The following HACL1 variants were observed in gnomAD, a reference collection of about 807,000 sequenced individuals.
The protein encoded by HACL1 is 2-hydroxyacyl-CoA lyase 1.
A neutral mutation model predicts 74.2 loss-of-function variants in HACL1; 64 were observed. The ratio of observed to expected loss-of-function variants is 0.86; its 90% CI spans 0.70 to 1.06. The LOEUF (loss-of-function observed/expected upper bound fraction) is 1.06, where lower values mean the gene tolerates loss of function less well. HACL1 is among the 50% of genes least tolerant of loss of function. HACL1 has a pLI of 0.00. For missense variants in HACL1, 728 were observed against 719.7 expected (o/e 1.01, Z -0.13); for synonymous variants, 230 against 238.8 (o/e 0.96, Z 0.34).
At chr3:15,584,752 A>T (rs1487343728) in intron 7 of HACL1, among the ~76,000 whole-genome samples, 1 of 152,230 alleles carries the variant, frequency 6.6e-6, no homozygotes, top group Non-Finnish European at 1.5e-5. Context: ...GATGATTTAG[A>T]TACCAGTGAA....
At chr3:15,568,201 G>C (rs963367636) in intron 13 of HACL1, among the ~76,000 whole-genome samples, 199 bp from the exon 14 acceptor site, 2 of 152,142 alleles carry the variant, frequency 1.3e-5, no homozygotes, top group Non-Finnish European at 2.9e-5. Flanking sequence ...ATGTTTGCTT[G>C]GAAGACTATA....
At chr3:15,577,669 G>A (rs2063650296) in intron 9 of HACL1, among the ~76,000 whole-genome samples, 1 of 151,964 alleles carries the variant, frequency 6.6e-6, no homozygotes, top group Non-Finnish European at 1.5e-5. Context: ...GCACACACCT[G>A]TAGTTCCAGC....
In HACL1 at chr3:15,601,486, A is replaced by T. The variant is rs765151835; in HGVS notation, c.-23T>A. ...CATCTTCCACCGAAAAGCTCTAAGC[A>T]CTCACGCAGCCGGCAAACAAGCGGA... is the stretch of plus-strand genomic sequence containing the variant. On this transcript the variant is annotated 5_prime_UTR_variant, in exon 1 of 17. Coordinates refer to ENST00000321169, the MANE Select transcript of HACL1 (RefSeq NM_012260.4). 1 of 1,611,574 alleles carries T rather than the reference A, an allele frequency of 6.2e-7. No individual in the cohort carries two copies. The highest frequency in any genetic ancestry group is 1.1e-5 in the South Asian group (1 of 91,086).
At chr3:15,561,382 C>T (rs760585440) in intron 16 of HACL1, among the ~76,000 whole-genome samples, 14 of 152,006 alleles carry the variant, frequency 9.2e-5, no homozygotes, top group Middle Eastern at 3.4e-3. Flanking sequence ...AAATGGCAGA[C>T]GGACAGAAAG....
At chr3:15,600,136 T>C (rs1387895689) in intron 2 of HACL1, among the ~76,000 whole-genome samples, 1 of 148,238 alleles carries the variant, frequency 6.7e-6, no homozygotes, top group Non-Finnish European at 1.5e-5. Context: ...AAATAATGTA[T>C]AATATTAAGC....
chr3:15,599,207 A>G (rs915618884), intron 2 of HACL1, among the ~76,000 whole-genome samples: 1 of 152,240 alleles, frequency 6.6e-6, no homozygotes, highest in African/African-American at 2.4e-5. Flanking sequence ...CTTGGCTGTA[A>G]GCCCCTTAAA....
chr3:15,571,517 C>CA lies in HACL1; in HGVS notation c.1095+150dup, dbSNP rs576329986. The CA allele has an allele frequency of 2.8e-4, 181 of 643,662 alleles. 3 individuals are homozygous for CA. In the South Asian group the frequency reaches 2.9e-3, roughly 10 times the overall value. The allele number at this position is 643,662 out of a possible 1,614,324, so 39.9% of individuals were successfully genotyped here. A position where few individuals can be genotyped will look rare whatever the true frequency, so the allele number is the denominator to read the frequency against. ...TACACAAAGTTTTTGAGAGTTGTGCCACTAAATCCCTTTTTCCATGAGACC... is the reference window on the plus strand; with the variant it reads ...TACACAAAGTTTTTGAGAGTTGTGCCAACTAAATCCCTTTTTCCATGAGACC... On this transcript the variant is annotated intron_variant, in intron 12 of 16. Transcript: ENST00000321169.
rs1274256039 is a variant in HACL1, at chr3:15,563,322, T to A, written c.1704+36A>T. The A allele has an allele frequency of 2.8e-6, 4 of 1,411,334 alleles. No individual in the cohort carries two copies. The South Asian group carries it at 4.7e-5, about 16-fold the overall frequency. The allele number at this position is 1,411,334 out of a possible 1,614,324, so 87.4% of individuals were successfully genotyped here. Reference sequence around the variant, plus strand: ...TTTGGAGGGGGATAGGGGAAGCAGATGCATTTCTTGCTTTCTGCTTAGCAA... The same window carrying A: ...TTTGGAGGGGGATAGGGGAAGCAGAAGCATTTCTTGCTTTCTGCTTAGCAA... On this transcript the variant is annotated intron_variant, in intron 16 of 16. Coordinates refer to ENST00000321169, the MANE Select transcript of HACL1 (RefSeq NM_012260.4).
At chr3:15,597,704 C>G (rs1266800151) in intron 2 of HACL1, among the ~76,000 whole-genome samples, 2 of 146,084 alleles carry the variant, frequency 1.4e-5, no homozygotes, top group Non-Finnish European at 3.0e-5. Context: ...CACTGAGAAC[C>G]TGCACAAAGA....
At chr3:15,579,256 C>T (rs1462576322) in intron 9 of HACL1, among the ~76,000 whole-genome samples, 1 of 152,144 alleles carries the variant, frequency 6.6e-6, no homozygotes, top group Non-Finnish European at 1.5e-5. Flanking sequence ...GTGATCAACT[C>T]TCAAAAGAAA....
At chr3:15,569,243 A>G (rs2063482453) in intron 12 of HACL1, among the ~76,000 whole-genome samples, 1 of 152,182 alleles carries the variant, frequency 6.6e-6, no homozygotes, top group Non-Finnish European at 1.5e-5. Flanking sequence ...CACCTATGCT[A>G]CTTTGTTCTG....
In HACL1 at chr3:15,591,669, C is replaced by G. The variant is rs370481338; in HGVS notation, c.239G>C (p.Cys80Ser). Residue 80 changes from cysteine to serine, a missense_variant, in exon 4 of 17, where the codon TGC (cysteine) becomes TCC (serine). By Grantham distance (112) the Cys-to-Ser change is moderately radical. Coordinates refer to ENST00000321169, the MANE Select transcript of HACL1 (RefSeq NM_012260.4). ...IGYLTSRPGV[C>S]LVVSGPGLIH... ...GAGACCTGGGCCAGAAACAACAAGG[C>G]AGACTCCTGGCCTAAAAGCAAAACA... The G allele has an allele frequency of 1.2e-6, 2 of 1,610,488 alleles. No individual in the cohort carries two copies. Among genetic ancestry groups the G allele is most frequent in the Non-Finnish European group, 1.7e-6 (2 of 1,177,132 alleles).
chr3:15,577,101 G>C (rs2063639169), intron 9 of HACL1, among the ~76,000 whole-genome samples: 1 of 152,136 alleles, frequency 6.6e-6, no homozygotes, highest in African/African-American at 2.4e-5. Flanking sequence ...GAATTAACTT[G>C]GTTACTGTAT....
intron 4 of HACL1, 66 bp from the exon 5 acceptor site, chr3:15,589,678 G>C: frequency 2.2e-6 from 2 of 927,710 alleles, no homozygotes; most frequent in South Asian, 1.4e-5. Flanking sequence ...ACTAAACACA[G>C]TGTCTAATTC....
chr3:15,576,977 T>C lies in HACL1; in HGVS notation c.804-1895A>G, dbSNP rs1375532429. On this transcript the variant is annotated intron_variant, in intron 9 of 16. Coordinates refer to ENST00000321169, the MANE Select transcript of HACL1 (RefSeq NM_012260.4). ...TTGAAATCATTGATTCAATTATTTA[T>C]AGTCCCTTGTAACCTTTTTTACACT... Among the ~76,000 whole-genome samples the C allele has an allele frequency of 5.9e-5, 9 of 152,322 alleles. No homozygotes were observed. In the East Asian group the frequency reaches 1.7e-3, roughly 29 times the overall value.
At chr3:15,573,790 G>C (rs967754678) in intron 10 of HACL1, among the ~76,000 whole-genome samples, 1 of 152,184 alleles carries the variant, frequency 6.6e-6, no homozygotes, top group African/African-American at 2.4e-5. Context: ...CCAAGAACAT[G>C]GCACGATTAC....
chr3:15,564,809 A>G, intron 14 of HACL1, 151 bp from the exon 15 acceptor site: 1 of 543,850 alleles, frequency 1.8e-6, no homozygotes, highest in South Asian at 2.5e-5. Flanking sequence ...TTATTATCCT[A>G]AGAAAGAATA....
intron 3 of HACL1, among the ~76,000 whole-genome samples, chr3:15,592,028 C>CGTATATATACGTATATACGTATAT (rs1559560572): frequency 7.4e-6 from 1 of 135,766 alleles, no homozygotes; most frequent in Non-Finnish European, 1.6e-5. Flanking sequence ...ACACACACTA[C>CGTATATATACGTATATACGTATAT]ATACGTATAT....
intron 12 of HACL1, among the ~76,000 whole-genome samples, chr3:15,569,550 G>A (rs775231222): frequency 9.2e-5 from 14 of 152,050 alleles, no homozygotes; most frequent in Non-Finnish European, 1.3e-4. Flanking sequence ...GGCTGGGTGC[G>A]GTGGCTCACG....
Sources: gnomAD v4.1 joint callset for allele counts (sites outside exome capture counted in the v4.1 genomes callset) on GRCh38, gnomAD v4.1.1 for gene constraint, MANE v1.5 for transcripts, NCBI Gene and HGNC (gene_info 2026-07-23, HGNC 2026-07-21) for gene names.